LRRC41: variants seen among roughly 807,000 people sequenced by gnomAD.
The protein encoded by LRRC41 is leucine rich repeat containing 41, also known as leucine-rich repeat-containing protein 41.
A neutral mutation model predicts 72.1 loss-of-function variants in LRRC41; 17 were observed. The observed-to-expected ratio is 0.24, with a 90% CI of 0.16 to 0.35. LRRC41 has a LOEUF of 0.35. Ranked by LOEUF, LRRC41 falls within the 10% of genes least tolerant of loss-of-function variation. The probability of loss-of-function intolerance (pLI) is 1.00; values close to 1 mark genes in which losing one functional copy is unlikely to be tolerated. For missense variants in LRRC41, 759 were observed against 1,065.0 expected (o/e 0.71, Z 4.00); for synonymous variants, 427 against 431.0 (o/e 0.99, Z 0.11).
chr1:46,301,827 GC>G (rs1161567949), intron 1 of LRRC41, among the ~76,000 whole-genome samples: 2 of 151,418 alleles, frequency 1.3e-5, no homozygotes, highest in Non-Finnish European at 2.9e-5. Context: ...CTGCTCTCCT[GC>G]CCCCCTCCCC....
rs1466651418 is a variant in LRRC41, at chr1:46,302,754, G to T, written c.199+370C>A. ...CCTGCCCTAGGGCAGCCGGGCCATC[G>T]CTGCCCACCGGTTCGACATCCGAGA... On this transcript the variant is annotated intron_variant, in intron 1 of 9. Transcript: ENST00000617190. This position sits in a 1 kb window ranked among gnomAD's most constrained non-coding sequence, Gnocchi z 4.7. The T allele has an allele frequency of 1.0e-6, 1 of 985,100 alleles. No homozygotes were observed. Among genetic ancestry groups the T allele is most frequent in the Non-Finnish European group, 1.2e-6 (1 of 829,820 alleles). The allele number at this position is 985,100 out of a possible 1,614,324, so 61.0% of individuals were successfully genotyped here. A position where few individuals can be genotyped will look rare whatever the true frequency, so the allele number is the denominator to read the frequency against.
At chr1:46,284,635 G>A (rs1181918924) in intron 4 of LRRC41, among the ~76,000 whole-genome samples, 3 of 152,096 alleles carry the variant, frequency 2.0e-5, no homozygotes, top group Non-Finnish European at 2.9e-5. Context: ...TGCAGATGGA[G>A]AGTTTATAGG....
intron 1 of LRRC41, chr1:46,298,620 G>A (rs1268076485): frequency 2.7e-6 from 1 of 372,802 alleles, no homozygotes. Flanking sequence ...CATGCTAAAT[G>A]AGCTTGACAT....
chr1:46,277,595 A>G lies in LRRC41; in HGVS notation c.*1270T>C, dbSNP rs1032933839. On this transcript the variant is annotated 3_prime_UTR_variant, in exon 10 of 10. Transcript: ENST00000617190. ...AGGCCCTGGGACCCTTCATTAGTAT[A>G]GAAAGTAGCCTGGGTGGGCAGACTA... The G allele has an allele frequency of 2.2e-5, 13 of 595,910 alleles. No individual in the cohort carries two copies. The highest frequency in any genetic ancestry group is 1.7e-4 in the African/African-American group (9 of 53,876). The allele number at this position is 595,910 out of a possible 1,614,324, so 36.9% of individuals were successfully genotyped here. A position where few individuals can be genotyped will look rare whatever the true frequency, so the allele number is the denominator to read the frequency against.
At chr1:46,288,027 C>G (rs546731279) in intron 3 of LRRC41, among the ~76,000 whole-genome samples, 2 of 152,344 alleles carry the variant, frequency 1.3e-5, no homozygotes, top group African/African-American at 4.8e-5. Context: ...AAGTGATTCT[C>G]AGCCTTTGGT....
intron 3 of LRRC41, among the ~76,000 whole-genome samples, chr1:46,295,689 A>C (rs1661109365): frequency 6.6e-6 from 1 of 152,242 alleles, no homozygotes; most frequent in Admixed American, 6.5e-5. Flanking sequence ...AGAAAAATAT[A>C]ATCTTTATCA....
intron 4 of LRRC41, among the ~76,000 whole-genome samples, chr1:46,282,391 G>A (rs1181949165): frequency 6.6e-6 from 1 of 152,170 alleles, no homozygotes; most frequent in Non-Finnish European, 1.5e-5. Context: ...TAATTCCTTG[G>A]ACTATGCAGG....
intron 1 of LRRC41, chr1:46,298,977 C>T (rs1661175694): frequency 6.6e-6 from 1 of 152,234 alleles, no homozygotes; most frequent in Admixed American, 6.5e-5. Flanking sequence ...ATTCCTTTTC[C>T]ATTTTTCCAG....
At chr1:46,295,807 T>G (rs1156754854) in intron 3 of LRRC41, among the ~76,000 whole-genome samples, 1 of 152,260 alleles carries the variant, frequency 6.6e-6, no homozygotes, top group African/African-American at 2.4e-5. Flanking sequence ...TTGAGTCTGC[T>G]TCTCTTCCTC....
rs933499643 is a variant in LRRC41, at chr1:46,286,319, C to T, written c.538G>A (p.Val180Met). Residue 180 changes from valine (V) to methionine (M), a missense_variant, in exon 4 of 10, where the codon GTG becomes ATG. By Grantham distance (21) the Val-to-Met change is conservative. Around this residue, in one of 4 missense-constraint regions of LRRC41, gnomAD observed 116 missense variants for 250.9 expected, o/e 0.46. Transcript: ENST00000617190. The surrounding 1 kb of genome is among the most constrained non-coding windows in gnomAD (Gnocchi z 5.5). ...CNMLQGATELVAEPNRRVLET... is the reference protein window; with the variant it reads ...CNMLQGATELMAEPNRRVLET... ...AGAACCCTGCGGTTGGGCTCAGCCA[C>T]CAGCTCGGTTGCACCCTGCAGCATG... is the stretch of plus-strand genomic sequence containing the variant. 8.7e-6 allele frequency: 14 copies of T among 1,614,100 alleles called. No homozygotes were observed. The highest frequency in any genetic ancestry group is 1.0e-5 in the Non-Finnish European group (12 of 1,180,042).
chr1:46,286,539 C>A lies in LRRC41; in HGVS notation c.358-40G>T. 6.5e-7 allele frequency: 1 copy of A among 1,533,436 alleles called. No homozygotes were observed. Among genetic ancestry groups the A allele is most frequent in the African/African-American group, 1.4e-5 (1 of 72,208 alleles). The allele number at this position is 1,533,436 out of a possible 1,614,324, so 95.0% of individuals were successfully genotyped here. A position where few individuals can be genotyped will look rare whatever the true frequency, so the allele number is the denominator to read the frequency against. ...ACATGCCAGACAGCCATGATATATC[C>A]ATGAAACTGTCCAAATTTCCCTCTC... On this transcript the variant is annotated intron_variant, in intron 3 of 9. Coordinates refer to ENST00000617190, the MANE Select transcript of LRRC41 (RefSeq NM_006369.5). This position sits in a 1 kb window ranked among gnomAD's most constrained non-coding sequence, Gnocchi z 5.5.
rs1660652306 is a variant in LRRC41, at chr1:46,277,676, A to G, written c.*1189T>C. On this transcript the variant is annotated 3_prime_UTR_variant, in exon 10 of 10. Coordinates refer to ENST00000617190, the MANE Select transcript of LRRC41 (RefSeq NM_006369.5). The stretch of plus-strand genomic sequence containing the variant: ...GAAAATGGACCTCAGCTGAGTAGAG[A>G]TAATGTTCTGGGACTCATACTTTTT... 4.2e-6 allele frequency: 4 copies of G among 959,138 alleles called. No individual in the cohort carries two copies. The highest frequency in any genetic ancestry group is 3.8e-5 in the Admixed American group (2 of 52,872). 59.4% of individuals were successfully genotyped at this position (959,138 alleles called of 1,614,324 possible).
intron 3 of LRRC41, among the ~76,000 whole-genome samples, chr1:46,294,752 G>A (rs1360346223): frequency 2.6e-5 from 4 of 151,756 alleles, no homozygotes; most frequent in East Asian, 1.9e-4. Flanking sequence ...GTGCCACCAC[G>A]CCCAGCTAAT....
At chr1:46,297,336 G>A in intron 3 of LRRC41, 1 of 455,932 alleles carries the variant, frequency 2.2e-6, no homozygotes, top group East Asian at 3.6e-5. Flanking sequence ...CATCCATTGT[G>A]ATCACTAACT....
At position 46,288,175 on chromosome 1, in the gene LRRC41, A is replaced by G. The variant is rs539203277; in HGVS notation, c.358-1676T>C. ...GAACCATCCCAGATGTTTCTGATGTATATCAGAGGTTAGGAATTACTGCTG... is the reference window on the plus strand; with the variant it reads ...GAACCATCCCAGATGTTTCTGATGTGTATCAGAGGTTAGGAATTACTGCTG... On this transcript the variant is annotated intron_variant, in intron 3 of 9. Coordinates refer to ENST00000617190, the MANE Select transcript of LRRC41 (RefSeq NM_006369.5). Among the ~76,000 whole-genome samples the G allele has an allele frequency of 5.3e-5, 8 of 152,288 alleles. No individual in the cohort carries two copies. In the East Asian group the frequency reaches 1.5e-3, roughly 29 times the overall value.
chr1:46,302,954 C>T lies in LRRC41; in HGVS notation c.199+170G>A, dbSNP rs1661275274. The T allele has an allele frequency of 2.0e-6, 2 of 984,966 alleles. No individual in the cohort carries two copies. Among genetic ancestry groups the T allele is most frequent in the South Asian group, 4.7e-5 (1 of 21,242 alleles). 61.0% of individuals were successfully genotyped at this position (984,966 alleles called of 1,614,324 possible). A position where few individuals can be genotyped will look rare whatever the true frequency, so the allele number is the denominator to read the frequency against. On this transcript the variant is annotated intron_variant, in intron 1 of 9. Coordinates refer to ENST00000617190, the MANE Select transcript of LRRC41 (RefSeq NM_006369.5). This position sits in a 1 kb window ranked among gnomAD's most constrained non-coding sequence, Gnocchi z 4.7. ...CTGCCCATTTAGGTCTCCGTCTTTA[C>T]TCTGTCCAGCCCTGTCAGTCACAAA...
Position 46,279,763 on chromosome 1 carries a change from TA to T in LRRC41, c.2021-150del, listed in dbSNP as rs1660730159. On this transcript the variant is annotated intron_variant, in intron 7 of 9. Coordinates refer to ENST00000617190, the MANE Select transcript of LRRC41 (RefSeq NM_006369.5). This position sits in a 1 kb window ranked among gnomAD's most constrained non-coding sequence, Gnocchi z 4.5. ...TCTAGACTCCAAGCAAGGCTGGAACTAAATCAGAATCCAAACTAAAGACTGA... is the reference window on the plus strand; with the variant it reads ...TCTAGACTCCAAGCAAGGCTGGAACTAATCAGAATCCAAACTAAAGACTGA... The T allele has an allele frequency of 1.1e-6, 1 of 915,342 alleles. No individual in the cohort carries two copies. Among genetic ancestry groups the T allele is most frequent in the African/African-American group, 1.7e-5 (1 of 59,826 alleles). The allele number at this position is 915,342 out of a possible 1,614,324, so 56.7% of individuals were successfully genotyped here. A position where few individuals can be genotyped will look rare whatever the true frequency, so the allele number is the denominator to read the frequency against.
At chr1:46,290,602 C>T in intron 3 of LRRC41, among the ~76,000 whole-genome samples, 1 of 150,986 alleles carries the variant, frequency 6.6e-6, no homozygotes, top group Admixed American at 6.6e-5. Context: ...TTTAATATTT[C>T]CATTGTTTCT....
rs1243082729 is a variant in LRRC41, at chr1:46,303,565, A to T, written c.-243T>A. On this transcript the variant is annotated 5_prime_UTR_variant, in exon 1 of 10. Transcript: ENST00000617190. ...TTCTTAGCAAAGCCTCCTCGGGTGC[A>T]AACATCAGCTACCCCTAACCTCTGC... is the stretch of plus-strand genomic sequence containing the variant. 1 of 827,170 alleles carries T rather than the reference A, an allele frequency of 1.2e-6. No homozygotes were observed. Among genetic ancestry groups the T allele is most frequent in the African/African-American group, 1.7e-5 (1 of 58,078 alleles). The allele number at this position is 827,170 out of a possible 1,614,324, so 51.2% of individuals were successfully genotyped here.
Sources: allele counts gnomAD v4.1 joint callset (sites outside exome capture counted in the v4.1 genomes callset), GRCh38; gene constraint gnomAD v4.1.1; regional missense constraint gnomAD v4.1.1; non-coding constraint Gnocchi (gnomAD v3.1); transcripts MANE v1.5; gene names NCBI Gene and HGNC (gene_info 2026-07-23, HGNC 2026-07-21).